PCID2: variants seen among roughly 807,000 people sequenced by gnomAD.
PCID2 encodes the protein PCI domain-containing protein 2.
PCID2 carries 41 observed loss-of-function variants against 61.3 expected under a neutral mutation model. That is an observed-to-expected ratio of 0.67 (90% CI 0.52 to 0.87). The LOEUF (loss-of-function observed/expected upper bound fraction) is 0.87. Among genes scored for constraint, PCID2 ranks in the 40% least tolerant of loss-of-function variants. The pLI is 0.00. For synonymous variants in PCID2, 187 were observed against 177.8 expected (o/e 1.05, Z -0.41); for missense variants, 392 against 493.4 (o/e 0.79, Z 1.95).
At chr13:113,174,725 C>T (rs1287185924), downstream of PCID2, among the ~76,000 whole-genome samples, 1 of 152,212 alleles carries the variant, frequency 6.6e-6, no homozygotes, top group East Asian at 1.9e-4. Flanking sequence ...CTCAAGCAAT[C>T]TACTGGCCTC....
At chr13:113,192,830 T>A (rs1486755432) in intron 6 of PCID2, among the ~76,000 whole-genome samples, 1 of 152,198 alleles carries the variant, frequency 6.6e-6, no homozygotes, top group East Asian at 1.9e-4. Flanking sequence ...AAACTCATGC[T>A]GAAATCCTAA....
chr13:113,171,658 G>GT, the PCID2 span: 1 of 1,614,110 alleles, frequency 6.2e-7, no homozygotes. This position sits in a 1 kb window ranked among gnomAD's most constrained non-coding sequence, Gnocchi z 5.1. Context: ...TGCACATGCG[G>GT]TATGACGCGG....
At chr13:113,169,274 T>C in the PCID2 span, among the ~76,000 whole-genome samples, 1,588 of 152,348 alleles carry the variant, frequency 0.01, 24 homozygotes, top group African/African-American at 0.034. Context: ...TAACCTCATA[T>C]ATTGTAGCTG....
chr13:113,193,239 T>C (rs2038754247), intron 6 of PCID2, among the ~76,000 whole-genome samples: 1 of 152,170 alleles, frequency 6.6e-6, no homozygotes, highest in Non-Finnish European at 1.5e-5. Flanking sequence ...AAAAAGTTTA[T>C]TGGTACACTT....
chr13:113,206,200 A>G (rs1010246458), intron 1 of PCID2, among the ~76,000 whole-genome samples: 2 of 152,238 alleles, frequency 1.3e-5, no homozygotes, highest in African/African-American at 4.8e-5. Context: ...TGGTCTTTTT[A>G]ATTCTCACAA....
chr13:113,198,012 T>C (rs2039149406), intron 3 of PCID2, among the ~76,000 whole-genome samples, 179 bp downstream of exon 3: 1 of 152,216 alleles, frequency 6.6e-6, no homozygotes, highest in African/African-American at 2.4e-5. Context: ...AAAATAGTAT[T>C]ATATAACTGA....
At chr13:113,168,750 AC>A in the PCID2 span, among the ~76,000 whole-genome samples, 2 of 152,014 alleles carry the variant, frequency 1.3e-5, no homozygotes, top group Non-Finnish European at 2.9e-5. Context: ...TTTTTTTGAG[AC>A]CGGGTCTCGC....
At chr13:113,180,344 G>A (rs990998878) in intron 10 of PCID2, 113 bp from the exon 11 acceptor site, 7 of 771,498 alleles carry the variant, frequency 9.1e-6, no homozygotes, top group Admixed American at 8.0e-5. Flanking sequence ...GAGTTTCTTA[G>A]AATGTCCATG....
In PCID2 at chr13:113,208,626, G is replaced by T. The variant is rs1566998853; in HGVS notation, c.9C>A (p.His3Gln). Residue 3 changes from histidine (H) to glutamine (Q), a missense_variant, in exon 1 of 14, where the codon CAC (histidine) becomes CAA (glutamine). His to Gln is a conservative substitution (Grantham distance 24, BLOSUM62 0). This residue lies in a region of PCID2 where 155 missense variants were observed against 164.9 expected (regional missense o/e 0.94). Coordinates refer to ENST00000337344, the MANE Select transcript of PCID2 (RefSeq NM_001127202.4). Reference protein sequence around the residue: MAHITINQYLQQV... With the variant: MAQITINQYLQQV... The stretch of plus-strand genomic sequence containing the variant: ...GCTGCAGGTACTGGTTAATGGTAAT[G>T]TGCGCCATGGGAGCGCCGCCGAACG... 1 of 1,607,736 alleles carries T rather than the reference G, an allele frequency of 6.2e-7. No individual in the cohort carries two copies. Among genetic ancestry groups the T allele is most frequent in the African/African-American group, 1.3e-5 (1 of 74,564 alleles).
the PCID2 span, chr13:113,171,781 C>T: frequency 6.2e-7 from 1 of 1,612,906 alleles, no homozygotes; most frequent in South Asian, 1.1e-5. The surrounding 1 kb of genome is among the most constrained non-coding windows in gnomAD (Gnocchi z 5.1). Flanking sequence ...ACCTCCTCAT[C>T]CCACGCACCA....
chr13:113,190,175 T>C (rs963581041), intron 7 of PCID2, among the ~76,000 whole-genome samples: 17 of 148,756 alleles, frequency 1.1e-4, no homozygotes, highest in African/African-American at 3.7e-4. Flanking sequence ...ATTAAATTTT[T>C]AAAAACATCA....
intron 6 of PCID2, 66 bp from the exon 7 acceptor site, chr13:113,191,041 G>C: frequency 9.1e-7 from 1 of 1,099,206 alleles, no homozygotes; most frequent in Non-Finnish European, 1.3e-6. Context: ...CGTCCAGGCT[G>C]GACTGCAGTG....
chr13:113,170,647 A>G, the PCID2 span: 68 of 716,146 alleles, frequency 9.5e-5, no homozygotes, highest in Non-Finnish European at 1.4e-4. Flanking sequence ...AACTGAATTT[A>G]CTGTCAATAA....
At chr13:113,193,822 G>C (rs1041297549) in intron 6 of PCID2, among the ~76,000 whole-genome samples, 30 of 152,150 alleles carry the variant, frequency 2.0e-4, no homozygotes, top group African/African-American at 7.2e-4. Flanking sequence ...ATTGCTTGCT[G>C]AATCAAGAGG....
In PCID2 at chr13:113,179,514, G is replaced by GT. The variant is rs3215886; in HGVS notation, c.986+402dup. The stretch of plus-strand genomic sequence containing the variant: ...GCTGGGACGAGGCCTCAGAAGACGT[G>GT]TGAGGAAAGGAATGACGATCTCTGC... On this transcript the variant is annotated intron_variant, in intron 12 of 13. Coordinates refer to ENST00000337344, the MANE Select transcript of PCID2 (RefSeq NM_001127202.4). This position sits in a 1 kb window ranked among gnomAD's most constrained non-coding sequence, Gnocchi z 4.3. Among the ~76,000 whole-genome samples the GT allele has an allele frequency of 0.016, 2,382 of 151,920 alleles. 165 individuals carry two copies. In the East Asian group the frequency reaches 0.21, roughly 13 times the overall value.
At chr13:113,196,313 T>A in intron 4 of PCID2, 91 bp from the exon 5 acceptor site, 1 of 1,015,228 alleles carries the variant, frequency 9.9e-7, no homozygotes, top group Non-Finnish European at 1.5e-6. Flanking sequence ...TTAAGGAATG[T>A]AGATCACCCT....
At position 113,181,331 on chromosome 13, in the gene PCID2, AGCCCCCTC is replaced by A. The variant is rs2037619446; in HGVS notation, c.686-109_686-102del. Reference sequence around the variant, plus strand: ...ACTGTCTCCTGATTTAAAAGGCAAAAGCCCCCTCCCTTTATTATCTCAAAAAATATCAT... The same window carrying A: ...ACTGTCTCCTGATTTAAAAGGCAAAACCTTTATTATCTCAAAAAATATCAT... On this transcript the variant is annotated intron_variant, in intron 9 of 13. Transcript: ENST00000337344. The A allele has an allele frequency of 8.8e-6, 6 of 681,054 alleles. No homozygotes were observed. The South Asian group carries it at 1.0e-4, about 11-fold the overall frequency. 42.2% of individuals were successfully genotyped at this position (681,054 alleles called of 1,614,324 possible).
At chr13:113,169,413 C>G in the PCID2 span, among the ~76,000 whole-genome samples, 1 of 152,164 alleles carries the variant, frequency 6.6e-6, no homozygotes, top group African/African-American at 2.4e-5. Context: ...TCAGTGCTGA[C>G]TCAGTTTTGG....
chr13:113,184,324 G>GA (rs755794188), intron 9 of PCID2, 22 bp downstream of exon 9: 4 of 1,600,976 alleles, frequency 2.5e-6, no homozygotes, highest in African/African-American at 1.3e-5. Flanking sequence ...AAAATACTGG[G>GA]AAAAAAAGAT....
Sources: gnomAD v4.1 joint callset for allele counts (sites outside exome capture counted in the v4.1 genomes callset) on GRCh38, gnomAD v4.1.1 for gene constraint, gnomAD v4.1.1 regional missense constraint, Gnocchi (gnomAD v3.1) non-coding constraint, MANE v1.5 for transcripts, NCBI Gene and HGNC (gene_info 2026-07-23, HGNC 2026-07-21) for gene names.